SLC45A4: variants seen among roughly 807,000 people sequenced by gnomAD.
The protein encoded by SLC45A4 is solute carrier family 45 member 4.
Under a neutral mutation model 63.7 loss-of-function variants are expected in SLC45A4, and 32 were observed. That is an observed-to-expected ratio of 0.50 (90% CI 0.38 to 0.67). The LOEUF is 0.67. Ranked by LOEUF, SLC45A4 falls within the 30% of genes least tolerant of loss-of-function variation. The pLI is 0.00. For synonymous variants in SLC45A4, 535 were observed against 510.0 expected (o/e 1.05, Z -0.66); for missense variants, 1,027 against 1,157.7 (o/e 0.89, Z 1.64).
At chr8:141,244,968 G>GGGGGC (rs1569558620) in intron 2 of SLC45A4, among the ~76,000 whole-genome samples, 1 of 71,916 alleles carries the variant, frequency 1.4e-5, no homozygotes, top group South Asian at 6.4e-4. Context: ...GGGGGGGGGG[G>GGGGGC]GCGGTGTGGA....
At chr8:141,212,786 A>G (rs1465996452) in intron 7 of SLC45A4, among the ~76,000 whole-genome samples, 1 of 152,068 alleles carries the variant, frequency 6.6e-6, no homozygotes, top group Non-Finnish European at 1.5e-5. Flanking sequence ...CGTGGAAGCA[A>G]CTCTGTCAAT....
intron 1 of SLC45A4, among the ~76,000 whole-genome samples, chr8:141,306,048 G>A (rs1169087320): frequency 9.2e-5 from 14 of 151,544 alleles, no homozygotes; most frequent in African/African-American, 1.2e-4. Flanking sequence ...AAAGTTAGAG[G>A]GTGTTACAAG....
At position 141,256,551 on chromosome 8, in the gene SLC45A4, T is replaced by C. The variant is rs1200035115; in HGVS notation, c.-400-1922A>G. 7 of 456,198 alleles carry C rather than the reference T, an allele frequency of 1.5e-5. No homozygotes were observed. The highest frequency in any genetic ancestry group is 1.4e-4 in the African/African-American group (7 of 50,088). The allele number at this position is 456,198 out of a possible 1,614,324, so 28.3% of individuals were successfully genotyped here. ...GGCCCCAGGAGGGAGAAGACTCCGC[T>C]GTACAGGAGGTTCTGGAAGGAAGCC... is the stretch of plus-strand genomic sequence containing the variant. On this transcript the variant is annotated intron_variant, in intron 1 of 8. Coordinates refer to ENST00000517878, the MANE Select transcript of SLC45A4 (RefSeq NM_001286646.2). This position sits in a 1 kb window ranked among gnomAD's most constrained non-coding sequence, Gnocchi z 4.3.
chr8:141,300,378 C>T (rs1255115037), intron 1 of SLC45A4, among the ~76,000 whole-genome samples: 1 of 152,224 alleles, frequency 6.6e-6, no homozygotes, highest in Non-Finnish European at 1.5e-5. Flanking sequence ...GGTTACTAAA[C>T]TGATTTTCTT....
intron 2 of SLC45A4, among the ~76,000 whole-genome samples, chr8:141,241,020 C>G (rs562127154): frequency 1.3e-5 from 2 of 152,248 alleles, no homozygotes; most frequent in African/African-American, 4.8e-5. Context: ...CCGCTCTCCC[C>G]GCTTTGGGGC....
chr8:141,242,551 A>G (rs1369545807), intron 2 of SLC45A4, among the ~76,000 whole-genome samples: 1 of 152,208 alleles, frequency 6.6e-6, no homozygotes. Context: ...CTGGGAAAAG[A>G]GCCTGAGGGT....
At chr8:141,266,248 G>A (rs570558718) in intron 1 of SLC45A4, among the ~76,000 whole-genome samples, 12 of 152,236 alleles carry the variant, frequency 7.9e-5, no homozygotes, top group Admixed American at 4.6e-4. Context: ...CACACGAAGC[G>A]CATGTACACG....
chr8:141,254,050 A>T lies in SLC45A4; in HGVS notation c.180T>A (p.Phe60Leu). Reference protein sequence around the residue: ...RLWVMHGAVMFGREFCYAMET... With the variant: ...RLWVMHGAVMLGREFCYAMET... ...CCATGGCGTAACAGAACTCCCTGCC[A>T]AACATCACCGCCCCGTGCATCACCC... The change falls in exon 2 of 9, where the codon TTT (phenylalanine) becomes TTA (leucine). Residue 60 changes from phenylalanine (F) to leucine (L), a missense_variant. By Grantham distance (22) the Phe-to-Leu change is conservative (BLOSUM62 0). Transcript: ENST00000517878. The surrounding 1 kb of genome is among the most constrained non-coding windows in gnomAD (Gnocchi z 4.5). 6.5e-7 allele frequency: 1 copy of T among 1,536,152 alleles called. No individual in the cohort carries two copies.
intron 1 of SLC45A4, among the ~76,000 whole-genome samples, chr8:141,292,541 TG>T (rs1251758036): frequency 6.6e-6 from 1 of 152,182 alleles, no homozygotes; most frequent in African/African-American, 2.4e-5. Flanking sequence ...CCTGCTCTCT[TG>T]GGGGGTTCCA....
In SLC45A4 at chr8:141,218,414, G is replaced by C. The variant is rs61995888; in HGVS notation, c.1226C>G (p.Ser409Trp). ...TRVDTKPSATSSSMRRRRHAF... is the reference protein window; with the variant it reads ...TRVDTKPSATWSSMRRRRHAF... Reference sequence around the variant, plus strand: ...GTGCCGCCGCCGCCGCATGGAGCTCGACGTGGCCGAGGGCTTCGTGTCCAC... The same window carrying C: ...GTGCCGCCGCCGCCGCATGGAGCTCCACGTGGCCGAGGGCTTCGTGTCCAC... Residue 409 changes from serine to tryptophan, a missense_variant, in exon 5 of 9, where the codon TCG becomes TGG. By Grantham distance (177) the Ser-to-Trp change is radical. Coordinates refer to ENST00000517878, the MANE Select transcript of SLC45A4 (RefSeq NM_001286646.2). 2 of 1,610,744 alleles carry C rather than the reference G, an allele frequency of 1.2e-6. No individual in the cohort carries two copies. The highest frequency in any genetic ancestry group is 1.7e-6 in the Non-Finnish European group (2 of 1,179,920).
At position 141,229,712 on chromosome 8, in the gene SLC45A4, G is replaced by A. The variant is rs1827241258; in HGVS notation, c.242-7947C>T. ...AACAGACCCACTGGGTGATGAGCCTGACTTCCCTACCTGCACCTCCCTCAC... is the reference window on the plus strand; with the variant it reads ...AACAGACCCACTGGGTGATGAGCCTAACTTCCCTACCTGCACCTCCCTCAC... On this transcript the variant is annotated intron_variant, in intron 2 of 8. Coordinates refer to ENST00000517878, the MANE Select transcript of SLC45A4 (RefSeq NM_001286646.2). This position sits in a 1 kb window ranked among gnomAD's most constrained non-coding sequence, Gnocchi z 5.0. 6.6e-6 allele frequency among the ~76,000 whole-genome samples: 1 copy of A among 152,162 alleles called. No individual in the cohort carries two copies. Among genetic ancestry groups the A allele is most frequent in the Non-Finnish European group, 1.5e-5 (1 of 68,016 alleles).
chr8:141,236,441 A>C (rs1380900705), intron 2 of SLC45A4, among the ~76,000 whole-genome samples: 1 of 152,234 alleles, frequency 6.6e-6, no homozygotes, highest in Non-Finnish European at 1.5e-5. Flanking sequence ...TGATGTTCCC[A>C]AATAGTTCAC....
chr8:141,214,940 G>A (rs1447567813), intron 7 of SLC45A4, among the ~76,000 whole-genome samples: 3 of 152,288 alleles, frequency 2.0e-5, no homozygotes, highest in East Asian at 3.9e-4. Context: ...CCAACAGCAC[G>A]GGCACAACAG....
intron 2 of SLC45A4, among the ~76,000 whole-genome samples, chr8:141,247,122 C>A (rs981744293): frequency 2.0e-5 from 3 of 152,122 alleles, no homozygotes; most frequent in African/African-American, 7.2e-5. Context: ...AATTGATAAA[C>A]CTTTAACCAG....
chr8:141,263,404 A>G (rs1401902498), intron 1 of SLC45A4, among the ~76,000 whole-genome samples: 1 of 151,848 alleles, frequency 6.6e-6, no homozygotes, highest in Non-Finnish European at 1.5e-5. Flanking sequence ...AAAAAGAAAT[A>G]AAGTCAACAT....
chr8:141,264,780 T>A (rs955818552), intron 1 of SLC45A4, among the ~76,000 whole-genome samples: 4 of 152,226 alleles, frequency 2.6e-5, no homozygotes, highest in Non-Finnish European at 5.9e-5. Context: ...TTTGTCATGG[T>A]CACTGCAAAT....
intron 2 of SLC45A4, among the ~76,000 whole-genome samples, chr8:141,251,522 C>T (rs11778579): frequency 0.26 from 40,063 of 151,474 alleles, 5,676 homozygotes; most frequent in East Asian, 0.38. Context: ...ATATGATAGG[C>T]ACCCAAGGAG....
chr8:141,239,231 G>A (rs564418298), intron 2 of SLC45A4, among the ~76,000 whole-genome samples: 1 of 152,336 alleles, frequency 6.6e-6, no homozygotes, highest in South Asian at 2.1e-4. Context: ...TAGGTGCTGA[G>A]TGTGGTTTTT....
intron 2 of SLC45A4, among the ~76,000 whole-genome samples, chr8:141,231,279 C>T (rs1461546444): frequency 2.0e-5 from 3 of 152,152 alleles, no homozygotes. Context: ...TGTGGCCCCT[C>T]GCGCCAGAGG....
Sources: gnomAD v4.1 joint callset for allele counts (sites outside exome capture counted in the v4.1 genomes callset) on GRCh38, gnomAD v4.1.1 for gene constraint, Gnocchi (gnomAD v3.1) non-coding constraint, MANE v1.5 for transcripts, NCBI Gene and HGNC (gene_info 2026-07-23, HGNC 2026-07-21) for gene names.